MTMR2: variants seen among roughly 807,000 people sequenced by gnomAD.
MTMR2 encodes the protein myotubularin related protein 2.
Under a neutral mutation model 86.9 loss-of-function variants are expected in MTMR2, and 55 were observed. That is an observed-to-expected ratio of 0.63 (90% CI 0.51 to 0.79). The LOEUF is 0.79. Ranked by LOEUF, MTMR2 falls within the 30% of genes least tolerant of loss-of-function variation. The pLI is 0.00. For missense variants in MTMR2, 659 were observed against 772.3 expected (o/e 0.85, Z 1.74); for synonymous variants, 241 against 266.8 (o/e 0.90, Z 0.94).
chr11:95,900,401 A>C (rs1343817549), intron 1 of MTMR2, among the ~76,000 whole-genome samples: 1 of 152,176 alleles, frequency 6.6e-6, no homozygotes, highest in African/African-American at 2.4e-5. Flanking sequence ...ACACTACCTA[A>C]TACTACAGAG....
chr11:95,893,408 C>T (rs1158640447), intron 1 of MTMR2, among the ~76,000 whole-genome samples: 3 of 152,110 alleles, frequency 2.0e-5, no homozygotes, highest in Non-Finnish European at 2.9e-5. Context: ...TTCATCTCAT[C>T]TTCAACCTAG....
At chr11:95,868,094 T>C (rs1173876496) in intron 2 of MTMR2, among the ~76,000 whole-genome samples, 1 of 151,144 alleles carries the variant, frequency 6.6e-6, no homozygotes, top group Non-Finnish European at 1.5e-5. Flanking sequence ...GGCAAAACCC[T>C]GTGTCTACTA....
chr11:95,837,638 TA>T (rs1863342912), intron 13 of MTMR2, among the ~76,000 whole-genome samples: 1 of 152,100 alleles, frequency 6.6e-6, no homozygotes, highest in Non-Finnish European at 1.5e-5. Flanking sequence ...TGAATTTTTT[TA>T]TGGTATTACT....
chr11:95,902,609 C>T (rs1866113410), intron 1 of MTMR2, among the ~76,000 whole-genome samples: 1 of 152,122 alleles, frequency 6.6e-6, no homozygotes, highest in Non-Finnish European at 1.5e-5. Context: ...CTCCCTATTC[C>T]TCTGTTTCTG....
chr11:95,865,487 C>A, intron 3 of MTMR2, 114 bp downstream of exon 3: 1 of 976,856 alleles, frequency 1.0e-6, no homozygotes, highest in South Asian at 1.3e-5. Context: ...GTAAAGAGTT[C>A]TGCCAGACAG....
intron 1 of MTMR2, among the ~76,000 whole-genome samples, chr11:95,921,801 T>C (rs984004900): frequency 3.3e-5 from 5 of 152,188 alleles, no homozygotes; most frequent in African/African-American, 1.2e-4. Context: ...CAGAGAGGAT[T>C]AGGCTAATCT....
intron 1 of MTMR2, among the ~76,000 whole-genome samples, chr11:95,908,244 A>G (rs1866364582): frequency 6.6e-6 from 1 of 152,072 alleles, no homozygotes; most frequent in East Asian, 1.9e-4. Flanking sequence ...CCCATTCACA[A>G]TACCTATAAA....
intron 2 of MTMR2, among the ~76,000 whole-genome samples, chr11:95,869,325 C>T (rs1221833136): frequency 6.6e-6 from 1 of 151,934 alleles, no homozygotes; most frequent in Non-Finnish European, 1.5e-5. Context: ...GGATGTAACC[C>T]CATCATAGGT....
chr11:95,867,665 C>T (rs1864665734), intron 2 of MTMR2, among the ~76,000 whole-genome samples: 1 of 152,074 alleles, frequency 6.6e-6, no homozygotes, highest in South Asian at 2.1e-4. Flanking sequence ...TAATTCTACA[C>T]TGGAGATAGG....
At chr11:95,878,992 G>T (rs1865225903) in intron 2 of MTMR2, among the ~76,000 whole-genome samples, 1 of 152,010 alleles carries the variant, frequency 6.6e-6, no homozygotes, top group Non-Finnish European at 1.5e-5. Context: ...TATAAATGGG[G>T]TCATTGACCC....
intron 1 of MTMR2, among the ~76,000 whole-genome samples, chr11:95,902,661 G>C (rs1472643490): frequency 6.6e-6 from 1 of 151,970 alleles, no homozygotes; most frequent in African/African-American, 2.4e-5. Context: ...TTTATCTCTA[G>C]CTCTTCTTAA....
chr11:95,908,561 G>A (rs1866379820), intron 1 of MTMR2, among the ~76,000 whole-genome samples: 1 of 152,090 alleles, frequency 6.6e-6, no homozygotes, highest in African/African-American at 2.4e-5. Flanking sequence ...GAACAAATCT[G>A]GAGGCATCAC....
intron 1 of MTMR2, among the ~76,000 whole-genome samples, chr11:95,888,735 A>ACC (rs1308827515): frequency 1.1e-4 from 17 of 150,890 alleles, no homozygotes; most frequent in African/African-American, 3.5e-4. Flanking sequence ...ACACACACAC[A>ACC]CACACAAACA....
chr11:95,857,577 T>C lies in MTMR2; in HGVS notation c.629A>G (p.Asp210Gly), dbSNP rs753316100. 18 of 1,612,028 alleles carry C rather than the reference T, an allele frequency of 1.1e-5. No individual in the cohort carries two copies. In the Admixed American group the frequency reaches 3.0e-4, roughly 27 times the overall value. ...VFPENGWKLY[D>G]PLLEYRRQGI... ...CTGCCTTCTATACTCTAAAAGAGGG[T>C]CATATAGCTTCCACCCATTTTCAGG... Residue 210 changes from aspartate (D) to glycine (G), a missense_variant, in exon 7 of 15, where the codon GAC becomes GGC. Physicochemically the swap from Asp to Gly is moderately conservative, Grantham distance 94. Around this residue, in one of 3 missense-constraint regions of MTMR2, gnomAD observed 387 missense variants for 526.3 expected, o/e 0.74. Coordinates refer to ENST00000346299, the MANE Select transcript of MTMR2 (RefSeq NM_016156.6).
chr11:95,872,783 G>A (rs977248676), intron 2 of MTMR2, among the ~76,000 whole-genome samples: 3 of 152,204 alleles, frequency 2.0e-5, no homozygotes, highest in East Asian at 1.9e-4. Flanking sequence ...TTTGAGATAC[G>A]TCCCATCAAT....
At chr11:95,887,027 G>A (rs920074253) in intron 2 of MTMR2, among the ~76,000 whole-genome samples, 3 of 152,068 alleles carry the variant, frequency 2.0e-5, no homozygotes, top group African/African-American at 2.4e-5. Context: ...CTAATTTTTA[G>A]TGATGTTTAA....
At chr11:95,853,142 TTA>T (rs1426108155) in intron 7 of MTMR2, among the ~76,000 whole-genome samples, 1 of 149,856 alleles carries the variant, frequency 6.7e-6, no homozygotes, top group African/African-American at 2.4e-5. Flanking sequence ...ATATATATAC[TTA>T]TATATTTTTT....
chr11:95,860,260 G>A (rs1300563731), intron 5 of MTMR2, among the ~76,000 whole-genome samples: 3 of 152,134 alleles, frequency 2.0e-5, no homozygotes, highest in Non-Finnish European at 2.9e-5. Context: ...TCAACACTTT[G>A]GGAGGCCAAG....
In MTMR2 at chr11:95,857,300, TAAAG is replaced by T. The variant is rs147302972; in HGVS notation, c.654+248_654+251del. On this transcript the variant is annotated intron_variant, in intron 7 of 14. Transcript: ENST00000346299. The stretch of plus-strand genomic sequence containing the variant: ...TAGTGGACAGGAGGAAAGTTAAAAA[TAAAG>T]AAAAGACTATTTTAGGTGGGGCTTA... Among the ~76,000 whole-genome samples the T allele has an allele frequency of 9.1e-4, 138 of 152,142 alleles. 1 individual carries two copies. Among genetic ancestry groups the T allele is most frequent in the African/African-American group, 3.3e-3 (137 of 41,540 alleles).
Sources: gnomAD v4.1 joint callset for allele counts (sites outside exome capture counted in the v4.1 genomes callset) on GRCh38, gnomAD v4.1.1 for gene constraint, gnomAD v4.1.1 regional missense constraint, MANE v1.5 for transcripts, NCBI Gene and HGNC (gene_info 2026-07-23, HGNC 2026-07-21) for gene names.